The following SMYD3 variants were observed in gnomAD, a reference collection of about 807,000 sequenced individuals.
SMYD3 encodes the protein histone-lysine N-methyltransferase SMYD3.
A neutral mutation model predicts 57.7 loss-of-function variants in SMYD3; 36 were observed. The ratio of observed to expected loss-of-function variants is 0.62; its 90% CI spans 0.48 to 0.82. The LOEUF (loss-of-function observed/expected upper bound fraction) is 0.82, where lower values mean the gene tolerates loss of function less well. Among genes scored for constraint, SMYD3 ranks in the 40% least tolerant of loss-of-function variants. SMYD3 has a pLI of 0.00. For synonymous variants in SMYD3, 211 were observed against 195.0 expected, an observed-to-expected ratio of 1.08 and a Z score of -0.68; for missense variants, 515 against 538.8, an observed-to-expected ratio of 0.96 and a Z score of 0.44.
intron 2 of SMYD3, among the ~76,000 whole-genome samples, chr1:246,351,305 T>C (rs1332228050): frequency 2.6e-5 from 4 of 152,210 alleles, no homozygotes; most frequent in East Asian, 1.9e-4. Context: ...CAACTAGAAA[T>C]GTATATATTA....
chr1:245,971,577 A>T (rs1039009889), intron 5 of SMYD3, among the ~76,000 whole-genome samples: 1 of 152,192 alleles, frequency 6.6e-6, no homozygotes, highest in Non-Finnish European at 1.5e-5. Context: ...CTTCTTCCTG[A>T]GGGAAAACCT....
intron 5 of SMYD3, among the ~76,000 whole-genome samples, chr1:246,091,492 CAAA>C (rs35295300): frequency 1.4e-4 from 17 of 124,366 alleles, no homozygotes; most frequent in East Asian, 5.4e-4. Context: ...AACCTCAGCA[CAAA>C]AAAAAAAAAA....
intron 5 of SMYD3, among the ~76,000 whole-genome samples, chr1:246,088,123 C>A (rs559853391): frequency 6.6e-6 from 1 of 152,128 alleles, no homozygotes; most frequent in South Asian, 2.1e-4. Context: ...CTATCTACAG[C>A]GAGCGCCATG....
At chr1:246,030,055 C>T (rs1297340918) in intron 5 of SMYD3, among the ~76,000 whole-genome samples, 6 of 149,896 alleles carry the variant, frequency 4.0e-5, no homozygotes, top group Non-Finnish European at 7.4e-5. Flanking sequence ...GGGATACGCA[C>T]ACCCCCAATG....
intron 5 of SMYD3, among the ~76,000 whole-genome samples, chr1:246,121,688 CTT>C (rs1408322885): frequency 6.6e-6 from 1 of 152,114 alleles, no homozygotes; most frequent in East Asian, 1.9e-4. Context: ...AGGATAAAGA[CTT>C]ACCCTCCAGG....
chr1:245,947,543 A>G, intron 5 of SMYD3: 1 of 378,980 alleles, frequency 2.6e-6, no homozygotes, highest in Non-Finnish European at 5.3e-6. Flanking sequence ...GCATTTCTAA[A>G]CCATCGGCTA....
At chr1:245,874,544 C>T (rs757054359) in intron 8 of SMYD3, among the ~76,000 whole-genome samples, 1 of 152,154 alleles carries the variant, frequency 6.6e-6, no homozygotes, top group Non-Finnish European at 1.5e-5. Flanking sequence ...GGTTCCATAG[C>T]GTCCCCTAAG....
At position 245,817,914 on chromosome 1, in the gene SMYD3, C is replaced by T. The variant is rs1184781438; in HGVS notation, c.1076+40582G>A. ...GGACTATGTGAAAAGACCAAATCTA[C>T]GTCTGATTGGTGTACCTGAAAGTGA... On this transcript the variant is annotated intron_variant, in intron 10 of 11. Transcript: ENST00000490107. Among the ~76,000 whole-genome samples, 7 of 152,164 alleles carry T rather than the reference C, an allele frequency of 4.6e-5. No homozygotes were observed. The East Asian group carries it at 7.7e-4, about 17-fold the overall frequency.
chr1:246,267,719 T>C (rs542795982), intron 5 of SMYD3, among the ~76,000 whole-genome samples: 1 of 152,302 alleles, frequency 6.6e-6, no homozygotes, highest in South Asian at 2.1e-4. Flanking sequence ...CTTCCTGGAT[T>C]ACAACTCTAA....
At chr1:246,480,944 G>A (rs568927516) in intron 1 of SMYD3, among the ~76,000 whole-genome samples, 2 of 152,068 alleles carry the variant, frequency 1.3e-5, no homozygotes, top group East Asian at 3.9e-4. Flanking sequence ...GATTACAGGC[G>A]TGTGCCACCA....
intron 5 of SMYD3, among the ~76,000 whole-genome samples, chr1:246,049,801 CCACACCT>C (rs1389452806): frequency 6.6e-6 from 1 of 151,952 alleles, no homozygotes; most frequent in Admixed American, 6.6e-5. Context: ...GAGATTCCTC[CCACACCT>C]ACTCAGTGGC....
intron 5 of SMYD3, among the ~76,000 whole-genome samples, chr1:246,047,778 T>C (rs559082441): frequency 4.6e-5 from 7 of 151,794 alleles, no homozygotes; most frequent in Admixed American, 1.3e-4. Context: ...AGGTCAAGGC[T>C]ACAGTGAGCC....
intron 7 of SMYD3, among the ~76,000 whole-genome samples, chr1:245,926,914 A>G (rs576607291): frequency 7.2e-4 from 109 of 152,338 alleles, no homozygotes; most frequent in Non-Finnish European, 7.8e-4. Flanking sequence ...CTATCCCAGT[A>G]TATTTCATAC....
intron 1 of SMYD3, among the ~76,000 whole-genome samples, chr1:246,464,584 C>T (rs988954080): frequency 2.0e-5 from 3 of 152,170 alleles, no homozygotes; most frequent in African/African-American, 4.8e-5. Flanking sequence ...CCAAAATACA[C>T]GGGATCCAGG....
rs1197889519 is a variant in SMYD3 at position 246,281,499 on chromosome 1, T to C, written c.531+45702A>G. Among the ~76,000 whole-genome samples the C allele has an allele frequency of 2.6e-5, 4 of 152,178 alleles. No homozygotes were observed. The South Asian group carries it at 8.3e-4, about 32-fold the overall frequency. On this transcript the variant is annotated intron_variant, in intron 5 of 11. Transcript: ENST00000490107. ...CTCTGTGAGAATACTGATCATATCA[T>C]ACCGCAATGTTTTTCCTTTAAAGAG...
intron 10 of SMYD3, among the ~76,000 whole-genome samples, chr1:245,811,648 A>G (rs561491779): frequency 2.0e-5 from 3 of 152,286 alleles, no homozygotes; most frequent in East Asian, 1.9e-4. Flanking sequence ...GACACATAAA[A>G]ATTTCATATT....
intron 2 of SMYD3, among the ~76,000 whole-genome samples, chr1:246,336,291 T>A (rs948571586): frequency 1.3e-5 from 2 of 152,200 alleles, no homozygotes; most frequent in African/African-American, 4.8e-5. Context: ...GGAAATAAAA[T>A]CCAGATCATC....
rs143466763 is a variant in SMYD3 at position 245,863,856 on chromosome 1, C to T, written c.844G>A (p.Val282Ile). ...DADMLTGDEQ[V>I]WKEVQESLKK... is the part of the protein sequence containing the mutation. ...AGGGATTCTTGAACTTCCTTCCATACTTGCTCATCACCAGTTAGCATATCA... is the reference window on the plus strand; with the variant it reads ...AGGGATTCTTGAACTTCCTTCCATATTTGCTCATCACCAGTTAGCATATCA... The change falls in exon 9 of 12, where the codon GTA becomes ATA. Residue 282 changes from valine to isoleucine, a missense_variant. Coordinates refer to ENST00000490107, the MANE Select transcript of SMYD3 (RefSeq NM_001167740.2). 1.4e-5 allele frequency: 23 copies of T among 1,614,084 alleles called. No individual in the cohort carries two copies. The highest frequency in any genetic ancestry group is 1.8e-5 in the Non-Finnish European group (21 of 1,180,014).
chr1:246,336,886 G>A (rs1437286057), intron 2 of SMYD3, among the ~76,000 whole-genome samples: 1 of 152,034 alleles, frequency 6.6e-6, no homozygotes, highest in Admixed American at 6.6e-5. Flanking sequence ...TTACAAGCAA[G>A]GCAAAAAAGA....
Sources: gnomAD v4.1 joint callset for allele counts (sites outside exome capture counted in the v4.1 genomes callset) on GRCh38, gnomAD v4.1.1 for gene constraint, MANE v1.5 for transcripts, NCBI Gene and HGNC (gene_info 2026-07-23, HGNC 2026-07-21) for gene names.